Variants in SLC8A1 observed in about 807,000 individuals in gnomAD.
The protein encoded by SLC8A1 is sodium/calcium exchanger 1.
Under a neutral mutation model 68.3 loss-of-function variants are expected in SLC8A1, and 18 were observed. The ratio of observed to expected loss-of-function variants is 0.26; its 90% CI spans 0.18 to 0.39. SLC8A1 has a LOEUF of 0.39. SLC8A1 is among the 10% of genes least tolerant of loss of function. The pLI is 1.00. For synonymous variants in SLC8A1, 475 were observed against 415.5 expected (o/e 1.14, Z -1.74); for missense variants, 985 against 1,156.7 (o/e 0.85, Z 2.15).
intron 2 of SLC8A1, among the ~76,000 whole-genome samples, chr2:40,246,534 G>A (rs559540958): frequency 4.5e-4 from 68 of 152,278 alleles, no homozygotes; most frequent in Middle Eastern, 3.4e-3. Flanking sequence ...ACACTGTGGG[G>A]TAATCACTCT....
chr2:40,237,706 C>G (rs1311162121), intron 2 of SLC8A1, among the ~76,000 whole-genome samples: 1 of 151,944 alleles, frequency 6.6e-6, no homozygotes, highest in Non-Finnish European at 1.5e-5. Flanking sequence ...TCCAGTTTTT[C>G]TGTTCTGTTT....
chr2:40,463,150 C>T (rs1322450758), intron 1 of SLC8A1, among the ~76,000 whole-genome samples: 1 of 152,150 alleles, frequency 6.6e-6, no homozygotes, highest in Non-Finnish European at 1.5e-5. Context: ...AGAGAGCTAA[C>T]CTTTTTTAGT....
Position 40,327,182 on chromosome 2 carries a change from C to T in SLC8A1, c.1808+101291G>A, listed in dbSNP as rs150387932. 7.0e-3 allele frequency among the ~76,000 whole-genome samples: 1,067 copies of T among 152,190 alleles called. 4 individuals are homozygous for T. The highest frequency in any genetic ancestry group is 0.012 in the Non-Finnish European group (843 of 68,012). ...CCTATAATGCACAAATAATTGTATG[C>T]CCTGCTCCTTCTTAAATGATAATTA... On this transcript the variant is annotated intron_variant, in intron 2 of 7. Coordinates refer to ENST00000406785, the Ensembl canonical transcript of SLC8A1.
At chr2:40,332,062 A>AC (rs1419142591) in intron 2 of SLC8A1, among the ~76,000 whole-genome samples, 1 of 151,970 alleles carries the variant, frequency 6.6e-6, no homozygotes, top group Non-Finnish European at 1.5e-5. Flanking sequence ...TGATCCTCCC[A>AC]CCTCAGCCTC....
At chr2:40,392,729 A>T (rs1018169099) in intron 2 of SLC8A1, among the ~76,000 whole-genome samples, 1 of 152,114 alleles carries the variant, frequency 6.6e-6, no homozygotes, top group African/African-American at 2.4e-5. Flanking sequence ...AATGCCAATG[A>T]TCACAGTACC....
chr2:40,328,762 C>T (rs2076107284), intron 2 of SLC8A1, among the ~76,000 whole-genome samples: 2 of 152,086 alleles, frequency 1.3e-5, no homozygotes, highest in African/African-American at 4.8e-5. Flanking sequence ...CCCAGCTTCC[C>T]AGTGACTTCC....
intron 2 of SLC8A1, among the ~76,000 whole-genome samples, chr2:40,194,469 A>ATTG (rs1553402207): frequency 6.4e-4 from 88 of 137,444 alleles, no homozygotes; most frequent in African/African-American, 2.3e-3. Context: ...TCAGTAAGCA[A>ATTG]TGTGTGTGTG....
intron 7 of SLC8A1, among the ~76,000 whole-genome samples, chr2:40,135,092 T>A (rs898162066): frequency 1.3e-5 from 2 of 151,758 alleles, no homozygotes; most frequent in African/African-American, 4.9e-5. Context: ...GAGCTTGGTG[T>A]GTGGATAGAA....
intron 2 of SLC8A1, among the ~76,000 whole-genome samples, chr2:40,375,077 T>C (rs78957480): frequency 0.027 from 4,086 of 152,176 alleles, 82 homozygotes; most frequent in Non-Finnish European, 0.039. Context: ...CCTGTCATTA[T>C]GGATTAATCA....
intron 2 of SLC8A1, among the ~76,000 whole-genome samples, chr2:40,272,873 T>C (rs964035173): frequency 6.6e-6 from 1 of 152,206 alleles, no homozygotes; most frequent in African/African-American, 2.4e-5. Flanking sequence ...ACATGGCCTG[T>C]GTACATGACA....
intron 2 of SLC8A1, among the ~76,000 whole-genome samples, chr2:40,216,016 T>TTTTTTC (rs2057419649): frequency 6.6e-6 from 1 of 151,632 alleles, no homozygotes; most frequent in Non-Finnish European, 1.5e-5. Context: ...TGTATGCTTT[T>TTTTTTC]TTTTTTTTAC....
chr2:40,463,024 G>A (rs2149895066), intron 1 of SLC8A1, among the ~76,000 whole-genome samples: 1 of 152,072 alleles, frequency 6.6e-6, no homozygotes, highest in East Asian at 1.9e-4. Flanking sequence ...AAAAAAAAAT[G>A]GGGCTTTCAT....
chr2:40,168,125 G>T (rs868546233), intron 4 of SLC8A1, among the ~76,000 whole-genome samples: 9 of 152,016 alleles, frequency 5.9e-5, no homozygotes, highest in African/African-American at 1.7e-4. Flanking sequence ...CTACTTTCCA[G>T]GAACTTATGA....
intron 6 of SLC8A1, among the ~76,000 whole-genome samples, chr2:40,152,688 T>A (rs906158374): frequency 6.6e-6 from 1 of 151,896 alleles, no homozygotes; most frequent in East Asian, 1.9e-4. Context: ...AGTGCTGGGA[T>A]TACAAGTGTG....
intron 2 of SLC8A1, among the ~76,000 whole-genome samples, chr2:40,279,384 G>A (rs535300104): frequency 2.0e-5 from 3 of 152,262 alleles, no homozygotes; most frequent in African/African-American, 7.2e-5. Context: ...TGCTAAAACA[G>A]AAAGTGGCTC....
At chr2:40,409,328 T>C (rs941101683) in intron 2 of SLC8A1, among the ~76,000 whole-genome samples, 5 of 152,082 alleles carry the variant, frequency 3.3e-5, no homozygotes, top group African/African-American at 1.2e-4. Context: ...AGGAATATAG[T>C]TGGAGTAAAG....
At chr2:40,256,720 G>A (rs1466785174) in intron 2 of SLC8A1, among the ~76,000 whole-genome samples, 1 of 152,146 alleles carries the variant, frequency 6.6e-6, no homozygotes, top group Non-Finnish European at 1.5e-5. Flanking sequence ...GAAGGCTGTA[G>A]GCCTATCACC....
intron 1 of SLC8A1, among the ~76,000 whole-genome samples, chr2:40,433,104 C>G (rs960912223): frequency 7.9e-5 from 12 of 152,138 alleles, no homozygotes; most frequent in African/African-American, 2.9e-4. Flanking sequence ...CAAATCGCAT[C>G]ATTCCATTCT....
Position 40,429,337 on chromosome 2 carries a change from C to CT in SLC8A1, c.943dup (p.Arg315LysfsTer5). 1 of 1,613,862 alleles carries CT rather than the reference C, an allele frequency of 6.2e-7. No individual in the cohort carries two copies. The highest frequency in any genetic ancestry group is 1.3e-5 in the African/African-American group (1 of 74,974). On this transcript the variant is annotated frameshift_variant, in exon 2 of 8. Coordinates refer to ENST00000406785, the Ensembl canonical transcript of SLC8A1. LOFTEE classifies it high-confidence loss of function. ...CCTAGCTTCTTCATCATCTTGGTCC[C>CT]TCTCATCCACCTCCAGAACCAGAGC...
Sources: gnomAD v4.1 joint callset for allele counts (sites outside exome capture counted in the v4.1 genomes callset) on GRCh38, gnomAD v4.1.1 for gene constraint, MANE v1.5 for transcripts, NCBI Gene and HGNC (gene_info 2026-07-23, HGNC 2026-07-21) for gene names.